Variants in PLEKHG3 observed in about 807,000 individuals in gnomAD.
PLEKHG3 encodes the protein pleckstrin homology and RhoGEF domain containing G3, also known as pleckstrin homology domain-containing family G member 3.
Under a neutral mutation model 94.9 loss-of-function variants are expected in PLEKHG3, and 62 were observed. That is an observed-to-expected ratio of 0.65 (90% CI 0.53 to 0.81). The LOEUF (loss-of-function observed/expected upper bound fraction) is 0.81. Ranked by LOEUF, PLEKHG3 falls within the 30% of genes least tolerant of loss-of-function variation. PLEKHG3 has a pLI of 0.00. For missense variants in PLEKHG3, 1,461 were observed against 1,619.3 expected (o/e 0.90, Z 1.68); for synonymous variants, 614 against 654.0 (o/e 0.94, Z 0.93).
intron 13 of PLEKHG3, 37 bp downstream of exon 13, chr14:64,736,928 G>A (rs756957985): frequency 4.5e-6 from 7 of 1,556,144 alleles, no homozygotes; most frequent in African/African-American, 1.4e-5. Context: ...CCCAGTGAGC[G>A]GGGGAGGAGG....
In PLEKHG3 at chr14:64,731,205, G is replaced by A. The variant is rs1262517830; in HGVS notation, c.849+36G>A. On this transcript the variant is annotated intron_variant, in intron 7 of 16. Transcript: ENST00000247226. This position sits in a 1 kb window ranked among gnomAD's most constrained non-coding sequence, Gnocchi z 6.1. ...GCTGGGACGCTGGGGGAGGGGCAGGGCTGGGTGGGCCAGGCTTCCGCTGGG... is the reference window on the plus strand; with the variant it reads ...GCTGGGACGCTGGGGGAGGGGCAGGACTGGGTGGGCCAGGCTTCCGCTGGG... 2 of 1,566,310 alleles carry A rather than the reference G, an allele frequency of 1.3e-6. No individual in the cohort carries two copies.
rs2081923462 is a variant in PLEKHG3, at chr14:64,750,189, C to T, written c.*6486C>T. ...TGCAGACAGGCAGGTCACCCACATCCTGATATGGTATCTCTAGAGTCAATT... is the reference window on the plus strand; with the variant it reads ...TGCAGACAGGCAGGTCACCCACATCTTGATATGGTATCTCTAGAGTCAATT... On this transcript the variant is annotated 3_prime_UTR_variant, in exon 17 of 17. Coordinates refer to ENST00000247226, the MANE Select transcript of PLEKHG3 (RefSeq NM_001308147.2). 2 of 1,604,394 alleles carry T rather than the reference C, an allele frequency of 1.2e-6. No homozygotes were observed. The highest frequency in any genetic ancestry group is 1.7e-6 in the Non-Finnish European group (2 of 1,172,828).
In PLEKHG3 at chr14:64,736,887, G is replaced by A; in HGVS notation, c.1380G>A (p.Glu460=). 1.9e-6 allele frequency: 3 copies of A among 1,612,540 alleles called. No homozygotes were observed. Among genetic ancestry groups the A allele is most frequent in the East Asian group, 4.5e-5 (2 of 44,890 alleles). ...AACACCTGCTCAGGCAACTCAACGAGAAAGGTGAGTGTGTGAGGTGGCCAG... is the reference window on the plus strand; with the variant it reads ...AACACCTGCTCAGGCAACTCAACGAAAAAGGTGAGTGTGTGAGGTGGCCAG... ...PTKHLLRQLN[E]KARAAGMKGK... Residue 460 remains glutamate, a synonymous_variant, in exon 13 of 17, where the codon GAG becomes GAA. Transcript: ENST00000247226.
At chr14:64,714,399 C>T (rs529401869) in intron 1 of PLEKHG3, among the ~76,000 whole-genome samples, 2 of 152,326 alleles carry the variant, frequency 1.3e-5, no homozygotes, top group South Asian at 4.1e-4. Flanking sequence ...TTAATGCCTT[C>T]CCAGGCCTCC....
Position 64,748,327 on chromosome 14 carries a change from TGGGGGCCCACACTGTCCCGTA to T in PLEKHG3, c.*4632_*4652del, listed in dbSNP as rs1255364432. On this transcript the variant is annotated 3_prime_UTR_variant, in exon 17 of 17. Transcript: ENST00000247226. The stretch of plus-strand genomic sequence containing the variant: ...GTGCGGGGGGTATCCATCTTATATC[TGGGGGCCCACACTGTCCCGTA>T]GGGGGCCTATGTCTGTTGGATATTG... 5 of 152,358 alleles carry T rather than the reference TGGGGGCCCACACTGTCCCGTA, an allele frequency of 3.3e-5. No homozygotes were observed. The East Asian group carries it at 9.6e-4, about 29-fold the overall frequency. The allele number at this position is 152,358 out of a possible 1,614,324, so 9.4% of individuals were successfully genotyped here.
At chr14:64,737,506 A>AG in intron 14 of PLEKHG3, 131 bp downstream of exon 14, 1 of 656,926 alleles carries the variant, frequency 1.5e-6, no homozygotes. Flanking sequence ...ACTGTGTACC[A>AG]GGCTGTGTGG....
chr14:64,731,889 C>G lies in PLEKHG3; in HGVS notation c.1125+83C>G. On this transcript the variant is annotated intron_variant, in intron 9 of 16. Transcript: ENST00000247226. This position sits in a 1 kb window ranked among gnomAD's most constrained non-coding sequence, Gnocchi z 6.1. ...TGGGACTCCTGGCTCCTCTGCTCAC[C>G]TAGCTGCCCCAAGCCCCAGTGTCTC... 1 of 1,027,850 alleles carries G rather than the reference C, an allele frequency of 9.7e-7. No homozygotes were observed. Among genetic ancestry groups the G allele is most frequent in the South Asian group, 1.3e-5 (1 of 77,688 alleles). The allele number at this position is 1,027,850 out of a possible 1,614,324, so 63.7% of individuals were successfully genotyped here.
At position 64,720,548 on chromosome 14, in the gene PLEKHG3, A is replaced by G. The variant is rs1211486777; in HGVS notation, c.-39-7045A>G. 1.3e-5 allele frequency among the ~76,000 whole-genome samples: 2 copies of G among 152,188 alleles called. No individual in the cohort carries two copies. Among genetic ancestry groups the G allele is most frequent in the African/African-American group, 2.4e-5 (1 of 41,446 alleles). Reference sequence around the variant, plus strand: ...TGCTCTCTGGGGCTGAAGGGAAGGTATGGGAAAGAAGGCCCAGCCCACTGG... The same window carrying G: ...TGCTCTCTGGGGCTGAAGGGAAGGTGTGGGAAAGAAGGCCCAGCCCACTGG... On this transcript the variant is annotated intron_variant, in intron 1 of 16. Transcript: ENST00000247226. The surrounding 1 kb of genome is among the most constrained non-coding windows in gnomAD (Gnocchi z 4.1).
chr14:64,719,097 C>CAG (rs2081218997), intron 1 of PLEKHG3, among the ~76,000 whole-genome samples: 1 of 152,126 alleles, frequency 6.6e-6, no homozygotes, highest in Non-Finnish European at 1.5e-5. Flanking sequence ...GACTACTTTT[C>CAG]CTTTCCAGCT....
In PLEKHG3 at chr14:64,721,808, G is replaced by A. The variant is rs959063099; in HGVS notation, c.-39-5785G>A. ...CCTCCCCCAGGAGAGCCCCTAGGGT[G>A]CAGGGAGCAGTGGGAACACACAGGC... On this transcript the variant is annotated intron_variant, in intron 1 of 16. Coordinates refer to ENST00000247226, the MANE Select transcript of PLEKHG3 (RefSeq NM_001308147.2). This position sits in a 1 kb window ranked among gnomAD's most constrained non-coding sequence, Gnocchi z 4.3. Among the ~76,000 whole-genome samples, 1 of 152,220 alleles carries A rather than the reference G, an allele frequency of 6.6e-6. No individual in the cohort carries two copies. The highest frequency in any genetic ancestry group is 2.4e-5 in the African/African-American group (1 of 41,456).
Position 64,731,322 on chromosome 14 carries a change from A to G in PLEKHG3, c.850-39A>G. 1 of 1,566,274 alleles carries G rather than the reference A, an allele frequency of 6.4e-7. No individual in the cohort carries two copies. The highest frequency in any genetic ancestry group is 8.8e-7 in the Non-Finnish European group (1 of 1,139,228). Reference sequence around the variant, plus strand: ...GGTTTGCAGAGCCTCCTAAGGCCCCAGTGGCCTGACTCTAGGGATTGGGGC... The same window carrying G: ...GGTTTGCAGAGCCTCCTAAGGCCCCGGTGGCCTGACTCTAGGGATTGGGGC... On this transcript the variant is annotated intron_variant, in intron 7 of 16. Coordinates refer to ENST00000247226, the MANE Select transcript of PLEKHG3 (RefSeq NM_001308147.2). This position sits in a 1 kb window ranked among gnomAD's most constrained non-coding sequence, Gnocchi z 6.1.
chr14:64,730,550 G>C lies in PLEKHG3; in HGVS notation c.520-92G>C, dbSNP rs1203920381. On this transcript the variant is annotated intron_variant, in intron 4 of 16. Coordinates refer to ENST00000247226, the MANE Select transcript of PLEKHG3 (RefSeq NM_001308147.2). This position sits in a 1 kb window ranked among gnomAD's most constrained non-coding sequence, Gnocchi z 5.4. The stretch of plus-strand genomic sequence containing the variant: ...AGGCATTTGGGAACAGGGGACAGAG[G>C]GTGCTCTGGGGGCCAGGGGCCTATC... 9.7e-7 allele frequency: 1 copy of C among 1,031,766 alleles called. No individual in the cohort carries two copies. Among genetic ancestry groups the C allele is most frequent in the Non-Finnish European group, 1.5e-6 (1 of 662,466 alleles). 63.9% of individuals were successfully genotyped at this position (1,031,766 alleles called of 1,614,324 possible).
intron 1 of PLEKHG3, among the ~76,000 whole-genome samples, chr14:64,706,258 C>T (rs1171301726): frequency 6.6e-6 from 1 of 152,124 alleles, no homozygotes. Context: ...CTGGGGGGCC[C>T]CTTGGATTAG....
intron 1 of PLEKHG3, among the ~76,000 whole-genome samples, chr14:64,710,815 CT>C (rs34126039): frequency 7.4e-4 from 107 of 145,428 alleles, no homozygotes; most frequent in Admixed American, 1.1e-3. Flanking sequence ...TGCCGGGGAT[CT>C]TTTTTTTTTT....
At chr14:64,713,573 A>T in intron 1 of PLEKHG3, among the ~76,000 whole-genome samples, 1 of 152,194 alleles carries the variant, frequency 6.6e-6, no homozygotes. Context: ...AGTTCATGAC[A>T]TTTCCTTATC....
In PLEKHG3 at chr14:64,716,480, C is replaced by A. The variant is rs10147354; in HGVS notation, c.-39-11113C>A. ...CACACACACACAACACACACACACA[C>A]AACACACACACACACAACACACACA... is the stretch of plus-strand genomic sequence containing the variant. On this transcript the variant is annotated intron_variant, in intron 1 of 16. Coordinates refer to ENST00000247226, the MANE Select transcript of PLEKHG3 (RefSeq NM_001308147.2). The surrounding 1 kb of genome is among the most constrained non-coding windows in gnomAD (Gnocchi z 5.0). 3.1e-5 allele frequency among the ~76,000 whole-genome samples: 4 copies of A among 128,426 alleles called. No homozygotes were observed. Among genetic ancestry groups the A allele is most frequent in the East Asian group, 2.3e-4 (1 of 4,276 alleles). 84.3% of individuals were successfully genotyped at this position (128,426 alleles called of 152,430 possible).
At position 64,730,543 on chromosome 14, in the gene PLEKHG3, G is replaced by C. The variant is rs2081437661; in HGVS notation, c.520-99G>C. 1 of 984,722 alleles carries C rather than the reference G, an allele frequency of 1.0e-6. No homozygotes were observed. Among genetic ancestry groups the C allele is most frequent in the African/African-American group, 1.6e-5 (1 of 62,454 alleles). The allele number at this position is 984,722 out of a possible 1,614,324, so 61.0% of individuals were successfully genotyped here. A position where few individuals can be genotyped will look rare whatever the true frequency, so the allele number is the denominator to read the frequency against. On this transcript the variant is annotated intron_variant, in intron 4 of 16. Transcript: ENST00000247226. This position sits in a 1 kb window ranked among gnomAD's most constrained non-coding sequence, Gnocchi z 5.4. ...GCTCTGTAGGCATTTGGGAACAGGG[G>C]ACAGAGGGTGCTCTGGGGGCCAGGG...
chr14:64,730,770 G>A lies in PLEKHG3; in HGVS notation c.567-29G>A, dbSNP rs373142922. On this transcript the variant is annotated intron_variant, in intron 5 of 16. Transcript: ENST00000247226. This position sits in a 1 kb window ranked among gnomAD's most constrained non-coding sequence, Gnocchi z 5.4. Reference sequence around the variant, plus strand: ...ACTTCCTCATCCAGGCCTTCCCCAGGTGGTGACTGGCCCTTCTCCCACTCC... The same window carrying A: ...ACTTCCTCATCCAGGCCTTCCCCAGATGGTGACTGGCCCTTCTCCCACTCC... 3.8e-5 allele frequency: 62 copies of A among 1,612,298 alleles called. 1 individual carries two copies. The highest frequency in any genetic ancestry group is 3.4e-4 in the South Asian group (31 of 91,026).
rs1383519420 is a variant in PLEKHG3 at position 64,727,084 on chromosome 14, C to T, written c.-39-509C>T. Among the ~76,000 whole-genome samples, 3 of 152,102 alleles carry T rather than the reference C, an allele frequency of 2.0e-5. No individual in the cohort carries two copies. Among genetic ancestry groups the T allele is most frequent in the East Asian group, 1.9e-4 (1 of 5,190 alleles). On this transcript the variant is annotated intron_variant, in intron 1 of 16. Coordinates refer to ENST00000247226, the MANE Select transcript of PLEKHG3 (RefSeq NM_001308147.2). The surrounding 1 kb of genome is among the most constrained non-coding windows in gnomAD (Gnocchi z 6.0). ...GCCAGGCATCATGCTCAGAGCTTTA[C>T]GAACAGCAGGTGGCTTCATCTGGGA...
Sources: gnomAD v4.1 joint callset for allele counts (sites outside exome capture counted in the v4.1 genomes callset) on GRCh38, gnomAD v4.1.1 for gene constraint, Gnocchi (gnomAD v3.1) non-coding constraint, MANE v1.5 for transcripts, NCBI Gene and HGNC (gene_info 2026-07-23, HGNC 2026-07-21) for gene names.